CDC42SE2: variants seen among roughly 807,000 people sequenced by gnomAD.
CDC42SE2 encodes CDC42 small effector protein 2.
CDC42SE2 carries 3 observed loss-of-function variants against 11.5 expected under a neutral mutation model. The observed-to-expected ratio is 0.26, with a 90% CI of 0.12 to 0.67. The LOEUF (loss-of-function observed/expected upper bound fraction) is 0.67, where lower values mean the gene tolerates loss of function less well. Ranked by LOEUF, CDC42SE2 falls within the 30% of genes least tolerant of loss-of-function variation. The pLI is 0.80. For synonymous variants in CDC42SE2, 33 were observed against 34.8 expected (o/e 0.95, Z 0.18); for missense variants, 82 against 106.8 (o/e 0.77, Z 1.02).
intron 3 of CDC42SE2, among the ~76,000 whole-genome samples, chr5:131,371,283 T>C (rs1447135815): frequency 6.6e-6 from 1 of 152,178 alleles, no homozygotes; most frequent in African/African-American, 2.4e-5. Flanking sequence ...ATTACAGATA[T>C]ATTTTATTAG....
At chr5:131,283,114 A>G (rs1757271982) in intron 1 of CDC42SE2, among the ~76,000 whole-genome samples, 1 of 151,148 alleles carries the variant, frequency 6.6e-6, no homozygotes, top group Admixed American at 6.6e-5. Flanking sequence ...TTTAGTAGAG[A>G]TGGGGTTTCT....
chr5:131,221,340 C>T, the CDC42SE2 span, among the ~76,000 whole-genome samples: 15 of 151,618 alleles, frequency 9.9e-5, no homozygotes, highest in African/African-American at 3.4e-4. Context: ...TTAGTGTTAG[C>T]GTATTTTACG....
chr5:131,314,148 CTA>C (rs1345474232), intron 1 of CDC42SE2, among the ~76,000 whole-genome samples: 7 of 151,890 alleles, frequency 4.6e-5, no homozygotes, highest in African/African-American at 1.4e-4. Flanking sequence ...ATATTATTCT[CTA>C]TTTGTTTTTG....
rs191736700 is a variant in CDC42SE2, at chr5:131,365,158, C to T, written c.54+5611C>T. Among the ~76,000 whole-genome samples the T allele has an allele frequency of 9.9e-5, 15 of 152,104 alleles. No individual in the cohort carries two copies. The East Asian group carries it at 1.2e-3, about 12-fold the overall frequency. On this transcript the variant is annotated intron_variant, in intron 3 of 4. Transcript: ENST00000505065. The stretch of plus-strand genomic sequence containing the variant: ...TACAAAAAATAGCTGGGCGTGGTGT[C>T]GCATGCCTGTAATCCCAGCTACTCG...
chr5:131,300,843 A>C (rs1757663298), intron 1 of CDC42SE2, among the ~76,000 whole-genome samples: 1 of 152,232 alleles, frequency 6.6e-6, no homozygotes, highest in South Asian at 2.1e-4. Context: ...TCACAAGCAA[A>C]GAAGGATGAA....
At chr5:131,212,346 G>C in the CDC42SE2 span, among the ~76,000 whole-genome samples, 1 of 152,174 alleles carries the variant, frequency 6.6e-6, no homozygotes, top group Non-Finnish European at 1.5e-5. Flanking sequence ...GACCTCAGGT[G>C]ATCCATCCGC....
At chr5:131,334,705 T>C (rs1349363506) in intron 2 of CDC42SE2, among the ~76,000 whole-genome samples, 1 of 152,222 alleles carries the variant, frequency 6.6e-6, no homozygotes, top group Non-Finnish European at 1.5e-5. Flanking sequence ...AGAGTGTATG[T>C]GTCAAGGAAT....
At chr5:131,265,097 A>G (rs1756831197) in intron 1 of CDC42SE2, among the ~76,000 whole-genome samples, 1 of 152,240 alleles carries the variant, frequency 6.6e-6, no homozygotes, top group Non-Finnish European at 1.5e-5. Context: ...ATGATTAAGG[A>G]AAGAATGTCG....
chr5:131,391,147 A>T lies in CDC42SE2; in HGVS notation c.*56A>T. ...GCTGGGGTCTGGACCTGACGGCCAG[A>T]CATGGCCAGGCCAATAATAGTAAAT... On this transcript the variant is annotated 3_prime_UTR_variant, in exon 5 of 5. Transcript: ENST00000505065. The T allele has an allele frequency of 4.9e-6, 6 of 1,225,014 alleles. No homozygotes were observed. The highest frequency in any genetic ancestry group is 7.1e-6 in the Non-Finnish European group (6 of 842,890). 75.9% of individuals were successfully genotyped at this position (1,225,014 alleles called of 1,614,324 possible).
At chr5:131,326,309 TA>T (rs966983595) in intron 2 of CDC42SE2, among the ~76,000 whole-genome samples, 1 of 152,146 alleles carries the variant, frequency 6.6e-6, no homozygotes, top group African/African-American at 2.4e-5. Context: ...TTCACTGTGT[TA>T]GCCAGGATGG....
intron 1 of CDC42SE2, among the ~76,000 whole-genome samples, chr5:131,264,678 G>T (rs1360476310): frequency 1.3e-5 from 2 of 152,184 alleles, no homozygotes; most frequent in African/African-American, 4.8e-5. Flanking sequence ...TTCGCCCCGG[G>T]CCCCGGGCTT....
At chr5:131,319,260 G>A (rs1216558235) in intron 2 of CDC42SE2, among the ~76,000 whole-genome samples, 4 of 152,060 alleles carry the variant, frequency 2.6e-5, no homozygotes, top group African/African-American at 9.7e-5. Context: ...GGTTTTCCAA[G>A]CCTGTAGTTC....
rs561078895 is a variant in CDC42SE2, at chr5:131,327,881, T to A, written c.-286+11737T>A. ...TATATACTCTGAAAAATCATTGTTT[T>A]GGTCTGTTTTGTGCTGCTATAACAA... On this transcript the variant is annotated intron_variant, in intron 2 of 4. Transcript: ENST00000505065. Among the ~76,000 whole-genome samples the A allele has an allele frequency of 2.1e-3, 313 of 152,342 alleles. 2 individuals carry two copies. The highest frequency in any genetic ancestry group is 7.3e-3 in the African/African-American group (304 of 41,570).
the CDC42SE2 span, among the ~76,000 whole-genome samples, chr5:131,219,776 C>T: frequency 6.6e-6 from 1 of 152,048 alleles, no homozygotes; most frequent in Admixed American, 6.6e-5. Context: ...ATCTTTACTA[C>T]AAATTTAAAA....
intron 2 of CDC42SE2, among the ~76,000 whole-genome samples, chr5:131,331,981 T>A (rs1426771357): frequency 6.6e-6 from 1 of 152,232 alleles, no homozygotes; most frequent in Non-Finnish European, 1.5e-5. Flanking sequence ...TTTTTTATTG[T>A]TATACTTTAA....
intron 2 of CDC42SE2, among the ~76,000 whole-genome samples, chr5:131,334,196 G>A (rs1467409785): frequency 6.6e-6 from 1 of 152,148 alleles, no homozygotes; most frequent in Non-Finnish European, 1.5e-5. Flanking sequence ...TTTGTCAAAG[G>A]TCTTTTCTGC....
intron 2 of CDC42SE2, among the ~76,000 whole-genome samples, chr5:131,322,330 C>G (rs2149734862): frequency 6.6e-6 from 1 of 152,220 alleles, no homozygotes; most frequent in East Asian, 1.9e-4. Flanking sequence ...TTTCATTTCT[C>G]CCTATTGCCA....
intron 2 of CDC42SE2, among the ~76,000 whole-genome samples, chr5:131,329,390 T>C (rs1758363809): frequency 1.3e-5 from 2 of 152,178 alleles, no homozygotes; most frequent in Non-Finnish European, 2.9e-5. Context: ...CTTCTGTTTT[T>C]TTCTTCCCTA....
intron 2 of CDC42SE2, among the ~76,000 whole-genome samples, chr5:131,349,612 G>C (rs1210881862): frequency 6.6e-6 from 1 of 152,090 alleles, no homozygotes; most frequent in Non-Finnish European, 1.5e-5. Flanking sequence ...GTCGTTCAAG[G>C]GTCAACTGTA....
Sources: allele counts gnomAD v4.1 joint callset (sites outside exome capture counted in the v4.1 genomes callset), GRCh38; gene constraint gnomAD v4.1.1; transcripts MANE v1.5; gene names NCBI Gene and HGNC (gene_info 2026-07-23, HGNC 2026-07-21).